Variants in LHFPL2 observed in about 807,000 individuals in gnomAD.
The protein encoded by LHFPL2 is LHFPL tetraspan subfamily member 2.
Under a neutral mutation model 17.5 loss-of-function variants are expected in LHFPL2, and 7 were observed. The observed-to-expected ratio is 0.40, with a 90% CI of 0.23 to 0.75. The LOEUF (loss-of-function observed/expected upper bound fraction) is 0.75. LHFPL2 is among the 30% of genes least tolerant of loss of function. The pLI is 0.37. For synonymous variants in LHFPL2, 134 were observed against 116.2 expected (o/e 1.15, Z -0.99); for missense variants, 241 against 294.8 (o/e 0.82, Z 1.34).
chr5:78,594,395 G>A (rs1211913849), intron 2 of LHFPL2, among the ~76,000 whole-genome samples: 1 of 152,144 alleles, frequency 6.6e-6, no homozygotes, highest in Non-Finnish European at 1.5e-5. Context: ...TGTAATATAC[G>A]CTGTCTAATG....
At chr5:78,551,334 A>T (rs1404781277) in intron 3 of LHFPL2, among the ~76,000 whole-genome samples, 1 of 152,214 alleles carries the variant, frequency 6.6e-6, no homozygotes, top group Non-Finnish European at 1.5e-5. Context: ...CCTTTTTGAG[A>T]ATGGCTGAAC....
intron 3 of LHFPL2, among the ~76,000 whole-genome samples, chr5:78,562,241 G>A (rs1251615627): frequency 1.3e-5 from 2 of 152,140 alleles, no homozygotes; most frequent in Non-Finnish European, 2.9e-5. Context: ...ATTCCACATG[G>A]TAATGAAAAG....
At chr5:78,512,335 T>C (rs1022326372) in intron 3 of LHFPL2, among the ~76,000 whole-genome samples, 1 of 151,392 alleles carries the variant, frequency 6.6e-6, no homozygotes, top group African/African-American at 2.4e-5. Flanking sequence ...GGTGTTTTTA[T>C]ATTGGATATA....
chr5:78,489,665 T>C (rs575690258), intron 4 of LHFPL2, among the ~76,000 whole-genome samples: 5 of 152,190 alleles, frequency 3.3e-5, no homozygotes, highest in Non-Finnish European at 5.9e-5. Context: ...CCACCACGAG[T>C]GGCCAACTTG....
chr5:78,647,515 C>A (rs1425246293), intron 1 of LHFPL2, among the ~76,000 whole-genome samples: 1 of 152,190 alleles, frequency 6.6e-6, no homozygotes, highest in Admixed American at 6.5e-5. Flanking sequence ...CTTTCCATAG[C>A]GGCCGCGTTG....
chr5:78,499,265 A>C (rs1337078677), intron 4 of LHFPL2, among the ~76,000 whole-genome samples: 3 of 152,258 alleles, frequency 2.0e-5, no homozygotes, highest in Admixed American at 2.0e-4. Flanking sequence ...GAACCCTTTA[A>C]TAATCATGAA....
At chr5:78,604,021 T>C (rs975130678) in intron 2 of LHFPL2, among the ~76,000 whole-genome samples, 26 of 152,108 alleles carry the variant, frequency 1.7e-4, no homozygotes, top group Admixed American at 5.9e-4. Flanking sequence ...CTGGGCAACA[T>C]AGCAAGATCC....
At chr5:78,571,626 GC>G (rs1307575816) in intron 2 of LHFPL2, among the ~76,000 whole-genome samples, 1 of 152,002 alleles carries the variant, frequency 6.6e-6, no homozygotes, top group African/African-American at 2.4e-5. Flanking sequence ...GGTGAGGCAG[GC>G]CCCCCCAAAT....
intron 4 of LHFPL2, among the ~76,000 whole-genome samples, chr5:78,489,686 T>C (rs1287975221): frequency 6.6e-6 from 1 of 152,220 alleles, no homozygotes; most frequent in African/African-American, 2.4e-5. Context: ...TTACTATGTA[T>C]TCCCACAGGG....
intron 2 of LHFPL2, among the ~76,000 whole-genome samples, chr5:78,585,401 T>C (rs1201280992): frequency 6.6e-6 from 1 of 151,952 alleles, no homozygotes; most frequent in Non-Finnish European, 1.5e-5. Flanking sequence ...TTTCTTTGAC[T>C]AGGAAAGGGA....
intron 3 of LHFPL2, among the ~76,000 whole-genome samples, chr5:78,519,073 G>A (rs1023526311): frequency 6.6e-6 from 1 of 152,098 alleles, no homozygotes; most frequent in Non-Finnish European, 1.5e-5. Context: ...CCAGTGCTAT[G>A]GACTCCCAGG....
intron 2 of LHFPL2, among the ~76,000 whole-genome samples, chr5:78,629,218 T>C (rs1451659855): frequency 6.6e-6 from 1 of 152,228 alleles, no homozygotes; most frequent in Non-Finnish European, 1.5e-5. Context: ...ATTTCTTAAC[T>C]GAAAGGGGAC....
intron 2 of LHFPL2, among the ~76,000 whole-genome samples, chr5:78,567,055 T>C (rs759505293): frequency 8.5e-5 from 13 of 152,192 alleles, no homozygotes; most frequent in Non-Finnish European, 1.9e-4. Flanking sequence ...TTTTTTTACA[T>C]ATAAACCAAG....
intron 1 of LHFPL2, among the ~76,000 whole-genome samples, chr5:78,640,221 C>T (rs1361002585): frequency 6.6e-6 from 1 of 152,150 alleles, no homozygotes; most frequent in African/African-American, 2.4e-5. Flanking sequence ...GCCAGTACAG[C>T]ACTTATTTAA....
chr5:78,488,680 T>A lies in LHFPL2; in HGVS notation c.*217A>T. 1.0e-5 allele frequency: 6 copies of A among 577,612 alleles called. No individual in the cohort carries two copies. Among genetic ancestry groups the A allele is most frequent in the Non-Finnish European group, 1.9e-5 (6 of 324,266 alleles). 35.8% of individuals were successfully genotyped at this position (577,612 alleles called of 1,614,324 possible). On this transcript the variant is annotated 3_prime_UTR_variant, in exon 5 of 5. Coordinates refer to ENST00000380345, the MANE Select transcript of LHFPL2 (RefSeq NM_005779.3). ...CAACTCCAGGTCTAGGATTATATAC[T>A]ATTTTCATGTTCCATTCCTTATAAT...
intron 2 of LHFPL2, among the ~76,000 whole-genome samples, chr5:78,622,380 A>C (rs1205796240): frequency 6.6e-6 from 1 of 152,240 alleles, no homozygotes; most frequent in African/African-American, 2.4e-5. Context: ...TATGCCTTAC[A>C]TAGGTTCCCT....
intron 4 of LHFPL2, among the ~76,000 whole-genome samples, chr5:78,503,678 A>G (rs1029329512): frequency 6.6e-6 from 1 of 150,536 alleles, no homozygotes; most frequent in Non-Finnish European, 1.5e-5. Context: ...AGCCTGGGCA[A>G]TAAGAGCGAA....
chr5:78,523,894 G>A (rs1478176502), intron 3 of LHFPL2, among the ~76,000 whole-genome samples: 1 of 152,200 alleles, frequency 6.6e-6, no homozygotes, highest in Non-Finnish European at 1.5e-5. Context: ...GTCAAGATAA[G>A]GAAGAATGTG....
At chr5:78,524,639 G>A (rs1443601906) in intron 3 of LHFPL2, among the ~76,000 whole-genome samples, 6 of 151,874 alleles carry the variant, frequency 4.0e-5, no homozygotes, top group Non-Finnish European at 7.4e-5. Flanking sequence ...CTGCTCAGGA[G>A]GCTGAGGCAC....
Sources: gnomAD v4.1 joint callset for allele counts (sites outside exome capture counted in the v4.1 genomes callset) on GRCh38, gnomAD v4.1.1 for gene constraint, MANE v1.5 for transcripts, NCBI Gene and HGNC (gene_info 2026-07-23, HGNC 2026-07-21) for gene names.